Variants in RELN observed in about 807,000 individuals in gnomAD.
The protein encoded by RELN is reelin.
RELN carries 108 observed loss-of-function variants against 427.6 expected under a neutral mutation model. The observed-to-expected ratio is 0.25, with a 90% CI of 0.22 to 0.30. The LOEUF (loss-of-function observed/expected upper bound fraction) is 0.30, where lower values mean the gene tolerates loss of function less well. RELN is among the 10% of genes least tolerant of loss of function. The probability of loss-of-function intolerance (pLI) is 1.00; values close to 1 mark genes in which losing one functional copy is unlikely to be tolerated. For missense variants in RELN, 3,715 were observed against 4,302.8 expected (o/e 0.86, Z 3.82); for synonymous variants, 1,524 against 1,513.4 (o/e 1.01, Z -0.16).
chr7:103,534,179 G>A (rs1160930328), intron 46 of RELN, among the ~76,000 whole-genome samples: 1 of 152,118 alleles, frequency 6.6e-6, no homozygotes, highest in Non-Finnish European at 1.5e-5. Flanking sequence ...TTCATTTGTG[G>A]GAAGATGACA....
At chr7:103,694,285 C>T (rs1833932152) in intron 10 of RELN, among the ~76,000 whole-genome samples, 1 of 152,250 alleles carries the variant, frequency 6.6e-6, no homozygotes, top group Non-Finnish European at 1.5e-5. Flanking sequence ...GACAGCAAAG[C>T]TATGTGGCAA....
Position 103,620,099 on chromosome 7 carries a change from T to C in RELN, c.2703-8296A>G, listed in dbSNP as rs1425916360. Among the ~76,000 whole-genome samples, 1 of 152,208 alleles carries C rather than the reference T, an allele frequency of 6.6e-6. No homozygotes were observed. The highest frequency in any genetic ancestry group is 1.9e-4 in the East Asian group (1 of 5,188). On this transcript the variant is annotated intron_variant, in intron 20 of 64. Transcript: ENST00000428762. This position sits in a 1 kb window ranked among gnomAD's most constrained non-coding sequence, Gnocchi z 4.1. ...TGGGAGGGATCCAGTGGGAGATAAC[T>C]GAATGATGGGGATGGGTTCACCCAT...
At position 103,700,917 on chromosome 7, in the gene RELN, T is replaced by C. The variant is rs1834076328; in HGVS notation, c.895A>G (p.Lys299Glu). The change falls in exon 9 of 65, where the codon AAA becomes GAA. Residue 299 changes from lysine (K) to glutamate (E), a missense_variant. By Grantham distance (56) the Lys-to-Glu change is moderately conservative. This residue lies in a region of RELN where 2,208 missense variants were observed against 2,361.7 expected (regional missense o/e 0.93). Coordinates refer to ENST00000428762, the MANE Select transcript of RELN (RefSeq NM_005045.4). ...NNSADWIQLE[K>E]IRAPSNVSTI... ...CTTTAAATTACAACAAACCTAATTT[T>C]CTCTAGCTGAATCCAGTCCGCAGAG... is the stretch of plus-strand genomic sequence containing the variant. 4 of 1,593,260 alleles carry C rather than the reference T, an allele frequency of 2.5e-6. No homozygotes were observed. The highest frequency in any genetic ancestry group is 3.4e-6 in the Non-Finnish European group (4 of 1,161,126).
At chr7:103,805,375 T>G (rs1792573517) in intron 3 of RELN, among the ~76,000 whole-genome samples, 1 of 152,184 alleles carries the variant, frequency 6.6e-6, no homozygotes, top group Non-Finnish European at 1.5e-5. Flanking sequence ...GCATGTGAAA[T>G]GAGTACATAT....
Position 103,558,067 on chromosome 7 carries a change from T to C in RELN, c.5530-18A>G, listed in dbSNP as rs188302870. The C allele has an allele frequency of 5.1e-4, 656 of 1,291,960 alleles. No individual in the cohort carries two copies. Among genetic ancestry groups the C allele is most frequent in the Middle Eastern group, 2.8e-3 (15 of 5,392 alleles). The allele number at this position is 1,291,960 out of a possible 1,614,324, so 80.0% of individuals were successfully genotyped here. On this transcript the variant is annotated intron_variant, in intron 36 of 64. Transcript: ENST00000428762. ...AGTCCTTCCTGAAAATAAAAACATA[T>C]ACGTTAAGCAACTTTTTTTCACTTG...
intron 4 of RELN, among the ~76,000 whole-genome samples, chr7:103,767,620 T>C (rs1002004103): frequency 6.6e-6 from 1 of 152,146 alleles, no homozygotes; most frequent in Non-Finnish European, 1.5e-5. Flanking sequence ...TCAGTAATAA[T>C]TGCTGCAAAA....
intron 1 of RELN, among the ~76,000 whole-genome samples, chr7:103,972,676 T>C (rs1312014106): frequency 1.3e-5 from 2 of 152,130 alleles, no homozygotes; most frequent in South Asian, 2.1e-4. Flanking sequence ...GAAAATACAA[T>C]GCCATGATGA....
rs1251806166 is a variant in RELN, at chr7:103,758,847, C to T, written c.545-5633G>A. On this transcript the variant is annotated intron_variant, in intron 4 of 64. Coordinates refer to ENST00000428762, the MANE Select transcript of RELN (RefSeq NM_005045.4). ...AAATTCTCTCTCCAGTGGGGCCTAT[C>T]CAGATGATGTTTTGGCAAAATACAA... is the stretch of plus-strand genomic sequence containing the variant. Among the ~76,000 whole-genome samples the T allele has an allele frequency of 2.6e-5, 4 of 151,526 alleles. No homozygotes were observed. In the South Asian group the frequency reaches 8.3e-4, roughly 32 times the overall value.
chr7:103,601,518 TC>T (rs140370753), intron 24 of RELN, among the ~76,000 whole-genome samples: 1,624 of 152,284 alleles, frequency 0.011, 36 homozygotes, highest in African/African-American at 0.036. Flanking sequence ...AGCATATCAC[TC>T]ACACCTGTCT....
intron 1 of RELN, among the ~76,000 whole-genome samples, chr7:103,956,922 T>C (rs1400117489): frequency 2.0e-5 from 3 of 152,128 alleles, no homozygotes; most frequent in African/African-American, 7.2e-5. Context: ...AATGGATATT[T>C]TTGGTGTCTT....
chr7:103,753,303 T>C, intron 4 of RELN, 89 bp from the exon 5 acceptor site: 2 of 1,327,260 alleles, frequency 1.5e-6, no homozygotes, highest in Admixed American at 1.7e-5. Context: ...TTATAAAACT[T>C]AAGTCACATT....
chr7:103,886,246 A>T (rs1794723889), intron 2 of RELN, among the ~76,000 whole-genome samples: 1 of 152,206 alleles, frequency 6.6e-6, no homozygotes, highest in Admixed American at 6.5e-5. Flanking sequence ...GGTATACATG[A>T]GTTTAACCTT....
chr7:103,609,147 C>T (rs765011378), intron 22 of RELN, among the ~76,000 whole-genome samples: 16 of 149,524 alleles, frequency 1.1e-4, no homozygotes, highest in African/African-American at 3.5e-4. Flanking sequence ...CACTTGAACC[C>T]GGGAAATGAA....
chr7:103,518,702 T>C (rs997446799), intron 49 of RELN, among the ~76,000 whole-genome samples: 1 of 151,656 alleles, frequency 6.6e-6, no homozygotes, highest in African/African-American at 2.4e-5. Context: ...CCTGCCTTTC[T>C]CTCTCTCTCA....
At chr7:103,536,954 A>G (rs557795153) in intron 45 of RELN, among the ~76,000 whole-genome samples, 1 of 152,324 alleles carries the variant, frequency 6.6e-6, no homozygotes, top group East Asian at 1.9e-4. Flanking sequence ...CATCTTCACT[A>G]AAGGATATCT....
chr7:103,547,793 A>G (rs557904122), intron 41 of RELN, among the ~76,000 whole-genome samples: 1 of 152,174 alleles, frequency 6.6e-6, no homozygotes, highest in East Asian at 1.9e-4. Context: ...CTTCTTATTT[A>G]TTCAAATGTT....
At chr7:103,488,428 C>T (rs1177746425) in intron 60 of RELN, among the ~76,000 whole-genome samples, 1 of 152,188 alleles carries the variant, frequency 6.6e-6, no homozygotes, top group Admixed American at 6.5e-5. Context: ...AGTTAAAATT[C>T]TCCAGCTAAT....
rs1219491053 is a variant in RELN, at chr7:103,697,999, G to T, written c.997C>A (p.Leu333Ile). Residue 333 changes from leucine (L) to isoleucine (I), a missense_variant, in exon 10 of 65, where the codon CTT becomes ATT. By Grantham distance (5) the Leu-to-Ile change is conservative. This residue lies in a region of RELN where 2,208 missense variants were observed against 2,361.7 expected (regional missense o/e 0.93). Coordinates refer to ENST00000428762, the MANE Select transcript of RELN (RefSeq NM_005045.4). Reference protein sequence around the residue: ...NVQFQWKQENLRVGEVYEACW... With the variant: ...NVQFQWKQENIRVGEVYEACW... ...GCTTCATACACTTCACCTACACGAA[G>T]ATTTTCCTGCTTCCACTGAAATTGG... 3.1e-6 allele frequency: 5 copies of T among 1,613,828 alleles called. No homozygotes were observed. Among genetic ancestry groups the T allele is most frequent in the Non-Finnish European group, 4.2e-6 (5 of 1,179,828 alleles).
chr7:103,480,617 G>A (rs1441591808), intron 63 of RELN, among the ~76,000 whole-genome samples: 2 of 152,164 alleles, frequency 1.3e-5, no homozygotes, highest in African/African-American at 4.8e-5. Flanking sequence ...ATTGAACGTA[G>A]CTTTGTGAGC....
Sources: gnomAD v4.1 joint callset for allele counts (sites outside exome capture counted in the v4.1 genomes callset) on GRCh38, gnomAD v4.1.1 for gene constraint, gnomAD v4.1.1 regional missense constraint, Gnocchi (gnomAD v3.1) non-coding constraint, MANE v1.5 for transcripts, NCBI Gene and HGNC (gene_info 2026-07-23, HGNC 2026-07-21) for gene names.